ZMIZ1: variants seen among roughly 807,000 people sequenced by gnomAD.
ZMIZ1 encodes zinc finger MIZ-type containing 1, also known as zinc finger MIZ domain-containing protein 1.
ZMIZ1 carries 17 observed loss-of-function variants against 113.9 expected under a neutral mutation model. The observed-to-expected ratio is 0.15, with a 90% CI of 0.10 to 0.22. ZMIZ1 has a LOEUF of 0.22. Ranked by LOEUF, ZMIZ1 falls within the 10% of genes least tolerant of loss-of-function variation. ZMIZ1 has a pLI of 1.00. For synonymous variants in ZMIZ1, 607 were observed against 603.1 expected (o/e 1.01, Z -0.09); for missense variants, 1,059 against 1,477.8 (o/e 0.72, Z 4.65).
chr10:79,298,073 C>T (rs1854027711), intron 14 of ZMIZ1, among the ~76,000 whole-genome samples: 1 of 152,128 alleles, frequency 6.6e-6, no homozygotes, highest in African/African-American at 2.4e-5. Context: ...GGGCTTCATT[C>T]CCGCTGTCCT....
intron 7 of ZMIZ1, among the ~76,000 whole-genome samples, chr10:79,226,538 A>G (rs1849206736): frequency 6.6e-6 from 1 of 152,208 alleles, no homozygotes; most frequent in African/African-American, 2.4e-5. Context: ...GCAGCAATTA[A>G]TTCTGTAGAG....
chr10:79,112,637 A>T (rs1314428292), intron 1 of ZMIZ1, among the ~76,000 whole-genome samples: 2 of 152,188 alleles, frequency 1.3e-5, no homozygotes, highest in East Asian at 1.9e-4. Context: ...GGCAGAGCCC[A>T]GGCAGAACTC....
intron 12 of ZMIZ1, chr10:79,294,075 C>T (rs1300493985): frequency 5.6e-5 from 15 of 269,388 alleles, no homozygotes; most frequent in Non-Finnish European, 1.1e-4. Context: ...AAAATGCTTC[C>T]AGTCTATAAG....
At chr10:79,210,591 T>C (rs1220892821) in intron 6 of ZMIZ1, among the ~76,000 whole-genome samples, 1 of 152,192 alleles carries the variant, frequency 6.6e-6, no homozygotes, top group Non-Finnish European at 1.5e-5. Context: ...GAACTGCTAA[T>C]GCAAAGGCCC....
At chr10:79,158,485 C>A (rs1845987782) in intron 3 of ZMIZ1, among the ~76,000 whole-genome samples, 1 of 152,208 alleles carries the variant, frequency 6.6e-6, no homozygotes, top group Non-Finnish European at 1.5e-5. Flanking sequence ...CTTGCCCTAA[C>A]CCTTGAGGCC....
intron 8 of ZMIZ1, among the ~76,000 whole-genome samples, chr10:79,283,627 C>G (rs908668851): frequency 6.6e-6 from 1 of 152,128 alleles, no homozygotes; most frequent in Non-Finnish European, 1.5e-5. Flanking sequence ...TTTGTTGCCC[C>G]AAGAACATTT....
At chr10:79,303,986 C>A (rs779707790) in intron 18 of ZMIZ1, 29 bp from the exon 19 acceptor site, 13 of 1,612,802 alleles carry the variant, frequency 8.1e-6, no homozygotes, top group Non-Finnish European at 1.0e-5. Context: ...TCTTGCCATC[C>A]TCACCTGTCT....
intron 2 of ZMIZ1, among the ~76,000 whole-genome samples, chr10:79,134,968 G>A (rs1166289624): frequency 2.6e-5 from 4 of 151,904 alleles, no homozygotes; most frequent in African/African-American, 4.8e-5. Context: ...ACAGGCATGC[G>A]CCACCACACC....
intron 1 of ZMIZ1, among the ~76,000 whole-genome samples, chr10:79,102,682 C>A (rs990987410): frequency 2.1e-4 from 32 of 152,360 alleles, no homozygotes; most frequent in African/African-American, 7.7e-4. Flanking sequence ...GGAAGCAGTG[C>A]TGGCCTAGCA....
intron 1 of ZMIZ1, among the ~76,000 whole-genome samples, chr10:79,090,393 C>T (rs972115959): frequency 4.6e-5 from 7 of 152,136 alleles, no homozygotes; most frequent in African/African-American, 1.2e-4. Context: ...AAGGAGACCC[C>T]GTTTGGAAGA....
intron 23 of ZMIZ1, among the ~76,000 whole-genome samples, chr10:79,310,118 C>T (rs1697788620): frequency 2.0e-5 from 3 of 152,188 alleles, no homozygotes; most frequent in South Asian, 2.1e-4. Flanking sequence ...CAGCCTCACC[C>T]TCAGCAAGAC....
chr10:79,274,558 A>G (rs1327076827), intron 7 of ZMIZ1, among the ~76,000 whole-genome samples: 1 of 152,168 alleles, frequency 6.6e-6, no homozygotes, highest in East Asian at 1.9e-4. Flanking sequence ...TTGCCTCAGA[A>G]CAACTTGTGT....
chr10:79,171,119 G>A (rs1038704790), intron 4 of ZMIZ1, among the ~76,000 whole-genome samples: 6 of 152,210 alleles, frequency 3.9e-5, no homozygotes, highest in African/African-American at 1.4e-4. Flanking sequence ...AGTGCGGTGA[G>A]CTCCAGAAAT....
At chr10:79,294,022 A>C in intron 12 of ZMIZ1, 2 of 328,770 alleles carry the variant, frequency 6.1e-6, no homozygotes, top group East Asian at 6.0e-5. Context: ...TCCTGCCCAC[A>C]TGAGAGCTTC....
At position 79,122,632 on chromosome 10, in the gene ZMIZ1, G is replaced by T. The variant is rs185714332; in HGVS notation, c.-227+3608G>T. Among the ~76,000 whole-genome samples, 14 of 152,278 alleles carry T rather than the reference G, an allele frequency of 9.2e-5. No homozygotes were observed. The East Asian group carries it at 2.5e-3, about 27-fold the overall frequency. ...CCTTTACTCTGTGATACCTTCAGTA[G>T]CTGCAATGACCTCTTGCACTATAGA... is the stretch of plus-strand genomic sequence containing the variant. On this transcript the variant is annotated intron_variant, in intron 2 of 24. Transcript: ENST00000334512.
intron 3 of ZMIZ1, among the ~76,000 whole-genome samples, chr10:79,151,533 G>A (rs534726782): frequency 3.3e-5 from 5 of 152,348 alleles, no homozygotes; most frequent in Non-Finnish European, 5.9e-5. Context: ...GGGTCATGGG[G>A]CAAAGAAAGT....
intron 18 of ZMIZ1, 126 bp downstream of exon 18, chr10:79,302,338 G>C (rs1398364891): frequency 2.1e-6 from 2 of 947,858 alleles, no homozygotes; most frequent in African/African-American, 3.2e-5. Flanking sequence ...CGGGCCTGGA[G>C]TGTCCCTGAG....
At chr10:79,300,659 C>G in intron 16 of ZMIZ1, 73 bp from the exon 17 acceptor site, 6 of 1,514,120 alleles carry the variant, frequency 4.0e-6, no homozygotes, top group Non-Finnish European at 4.4e-6. Context: ...GGTGTGTGAC[C>G]TGGCTCGGGG....
chr10:79,221,866 G>A (rs943586385), intron 7 of ZMIZ1, among the ~76,000 whole-genome samples: 1 of 152,252 alleles, frequency 6.6e-6, no homozygotes, highest in African/African-American at 2.4e-5. Context: ...AAGAGAGCCC[G>A]AATGCCTGCT....
Sources: gnomAD v4.1 joint callset for allele counts (sites outside exome capture counted in the v4.1 genomes callset) on GRCh38, gnomAD v4.1.1 for gene constraint, MANE v1.5 for transcripts, NCBI Gene and HGNC (gene_info 2026-07-23, HGNC 2026-07-21) for gene names.